KLHL3: variants seen among roughly 807,000 people sequenced by gnomAD.
The protein encoded by KLHL3 is kelch like family member 3.
A neutral mutation model predicts 70.5 loss-of-function variants in KLHL3; 19 were observed. The ratio of observed to expected loss-of-function variants is 0.27; its 90% CI spans 0.19 to 0.40. KLHL3 has a LOEUF of 0.40. Among genes scored for constraint, KLHL3 ranks in the 10% least tolerant of loss-of-function variants. The pLI is 1.00. For synonymous variants in KLHL3, 258 were observed against 290.3 expected (o/e 0.89, Z 1.13); for missense variants, 512 against 771.1 (o/e 0.66, Z 3.98).
At chr5:137,665,161 T>A (rs1362168318) in intron 6 of KLHL3, among the ~76,000 whole-genome samples, 3 of 152,130 alleles carry the variant, frequency 2.0e-5, no homozygotes, top group Non-Finnish European at 4.4e-5. Flanking sequence ...ATTGTTAATA[T>A]TATGGAAGAC....
At chr5:137,641,862 G>A (rs1047218606) in intron 8 of KLHL3, among the ~76,000 whole-genome samples, 5 of 152,152 alleles carry the variant, frequency 3.3e-5, no homozygotes, top group Admixed American at 1.3e-4. Context: ...ACCCAGCCTC[G>A]AGCTGCTGCT....
Position 137,661,977 on chromosome 5 carries a change from G to A in KLHL3, c.691C>T (p.His231Tyr). Residue 231 changes from histidine to tyrosine, a missense_variant, in exon 7 of 15, where the codon CAC becomes TAC. Transcript: ENST00000309755. ...INYEKETRLE[H>Y]MAKLMEHVRL... ...ACATGTTCCATCAGCTTTGCCATGT[G>A]CTCTAAACGGGTTTCTTTCTCATAA... The A allele has an allele frequency of 6.2e-7, 1 of 1,613,406 alleles. No homozygotes were observed. The highest frequency in any genetic ancestry group is 8.5e-7 in the Non-Finnish European group (1 of 1,179,540).
intron 12 of KLHL3, among the ~76,000 whole-genome samples, chr5:137,633,278 CAAAAAAAAAAAAA>C (rs56084512): frequency 1.4e-5 from 1 of 72,002 alleles, no homozygotes; most frequent in Non-Finnish European, 2.3e-5. Context: ...GACTTCATCT[CAAAAAAAAAAAAA>C]AAAAAAAAAA....
At position 137,717,540 on chromosome 5, in the gene KLHL3, A is replaced by AAT. The variant is rs376683039; in HGVS notation, c.134+2924_134+2925insAT. On this transcript the variant is annotated intron_variant, in intron 2 of 14. Transcript: ENST00000309755. ...AGTGAAACTCTGCCTCAAAAAAATA[A>AAT]AAATAAATAAATAAATATTTTGCTA... 2.8e-3 allele frequency among the ~76,000 whole-genome samples: 434 copies of AAT among 152,366 alleles called. 1 individual carries two copies. The highest frequency in any genetic ancestry group is 0.01 in the African/African-American group (421 of 41,584).
At chr5:137,638,323 G>A (rs1750821211) in intron 10 of KLHL3, among the ~76,000 whole-genome samples, 1 of 152,136 alleles carries the variant, frequency 6.6e-6, no homozygotes, top group Non-Finnish European at 1.5e-5. Context: ...ACCTCCCTGG[G>A]GGCCAAAGAA....
At chr5:137,682,403 TAGAGAGAGAGAGAGAGAG>T (rs10578622) in intron 5 of KLHL3, among the ~76,000 whole-genome samples, 1 of 133,374 alleles carries the variant, frequency 7.5e-6, no homozygotes, top group Admixed American at 7.4e-5. Flanking sequence ...GTGCTGGACA[TAGAGAGAGAGAGAGAGAG>T]AGAGAGAGAG....
At chr5:137,690,939 A>G (rs1475792942) in intron 5 of KLHL3, among the ~76,000 whole-genome samples, 9 of 152,236 alleles carry the variant, frequency 5.9e-5, no homozygotes, top group Admixed American at 6.5e-5. Context: ...GACTGAATTT[A>G]TCAAGTTAAA....
chr5:137,623,769 G>T (rs1750382139), intron 14 of KLHL3, among the ~76,000 whole-genome samples: 1 of 152,146 alleles, frequency 6.6e-6, no homozygotes, highest in Non-Finnish European at 1.5e-5. Context: ...CATTCTCACA[G>T]CACCCTAAAA....
At chr5:137,710,905 G>C (rs1036948723) in intron 2 of KLHL3, among the ~76,000 whole-genome samples, 5 of 152,270 alleles carry the variant, frequency 3.3e-5, no homozygotes, top group South Asian at 4.2e-4. Flanking sequence ...CACAGAAAAG[G>C]AACAGTGGAA....
At chr5:137,706,364 G>C (rs1298885181) in intron 3 of KLHL3, 1 of 985,202 alleles carries the variant, frequency 1.0e-6, no homozygotes, top group Non-Finnish European at 1.2e-6. Flanking sequence ...ATTTTGCAAT[G>C]TTACTGGAGA....
intron 8 of KLHL3, among the ~76,000 whole-genome samples, chr5:137,645,888 T>C (rs1751032196): frequency 6.6e-6 from 1 of 152,012 alleles, no homozygotes; most frequent in Admixed American, 6.6e-5. Context: ...CTTCAAAATA[T>C]ACAGCAAAGC....
intron 3 of KLHL3, among the ~76,000 whole-genome samples, chr5:137,706,912 A>G (rs565796366): frequency 2.0e-5 from 3 of 152,308 alleles, no homozygotes; most frequent in Admixed American, 2.0e-4. Flanking sequence ...GAAATCAAAC[A>G]TTGAGGAAGT....
chr5:137,680,010 T>C (rs1751984064), intron 5 of KLHL3, among the ~76,000 whole-genome samples: 1 of 152,106 alleles, frequency 6.6e-6, no homozygotes, highest in South Asian at 2.1e-4. Flanking sequence ...TGAACTAGGG[T>C]CCCCTCTCTG....
chr5:137,657,108 A>G (rs951351040), intron 8 of KLHL3, among the ~76,000 whole-genome samples: 1 of 152,222 alleles, frequency 6.6e-6, no homozygotes, highest in Non-Finnish European at 1.5e-5. Context: ...AGCAGAGGGG[A>G]AAGAAGGTCC....
intron 8 of KLHL3, among the ~76,000 whole-genome samples, chr5:137,649,025 T>C (rs866685127): frequency 6.6e-6 from 1 of 152,256 alleles, no homozygotes; most frequent in Non-Finnish European, 1.5e-5. Flanking sequence ...GAATCAGGTT[T>C]CTTTCAACAC....
In KLHL3 at chr5:137,698,385, T is replaced by C. The variant is rs951170906; in HGVS notation, c.265A>G (p.Lys89Glu). The change falls in exon 4 of 15, where the codon AAA (lysine) becomes GAA (glutamate). Residue 89 changes from lysine (K) to glutamate (E), a missense_variant. Physicochemically the swap from Lys to Glu is moderately conservative, Grantham distance 56. Transcript: ENST00000309755. ...FTGDMSESKA[K>E]KIEIKDVDGQ... Reference sequence around the variant, plus strand: ...TCCACGTCCTTGATTTCTATCTTTTTGGCTTTACTCTCAGACATGTCACCT... The same window carrying C: ...TCCACGTCCTTGATTTCTATCTTTTCGGCTTTACTCTCAGACATGTCACCT... 6.2e-7 allele frequency: 1 copy of C among 1,614,216 alleles called. No homozygotes were observed.
chr5:137,623,210 A>G (rs575113011), intron 14 of KLHL3, among the ~76,000 whole-genome samples: 2 of 152,360 alleles, frequency 1.3e-5, no homozygotes, highest in Admixed American at 6.5e-5. Flanking sequence ...GCCTGTTGCT[A>G]AATGAAATCC....
intron 3 of KLHL3, among the ~76,000 whole-genome samples, chr5:137,704,241 C>T (rs1174206916): frequency 1.3e-5 from 2 of 151,930 alleles, no homozygotes; most frequent in Middle Eastern, 3.2e-3. Flanking sequence ...AAAAATTAGC[C>T]GGGCGCGGTG....
In KLHL3 at chr5:137,625,813, G is replaced by C. The variant is rs761441810; in HGVS notation, c.1675C>G (p.Pro559Ala). The change falls in exon 14 of 15, where the codon CCT becomes GCT. Residue 559 changes from proline to alanine, a missense_variant. Coordinates refer to ENST00000309755, the MANE Select transcript of KLHL3 (RefSeq NM_017415.3). ...CNLASVEYYN[P>A]VTDKWTLLPT... Reference sequence around the variant, plus strand: ...AGCAGCGTCCATTTGTCAGTGACAGGATTGTAGTACTCCACCGAAGCCAAG... The same window carrying C: ...AGCAGCGTCCATTTGTCAGTGACAGCATTGTAGTACTCCACCGAAGCCAAG... 1.2e-6 allele frequency: 2 copies of C among 1,614,138 alleles called. No individual in the cohort carries two copies. The highest frequency in any genetic ancestry group is 4.5e-5 in the East Asian group (2 of 44,876).
Sources: gnomAD v4.1 joint callset for allele counts (sites outside exome capture counted in the v4.1 genomes callset) on GRCh38, gnomAD v4.1.1 for gene constraint, MANE v1.5 for transcripts, NCBI Gene and HGNC (gene_info 2026-07-23, HGNC 2026-07-21) for gene names.